The following STAT4 variants were observed in gnomAD, a reference collection of about 807,000 sequenced individuals.
The protein encoded by STAT4 is signal transducer and activator of transcription 4.
In STAT4, 42 loss-of-function variants were observed where a neutral mutation model predicts 110.5. The ratio of observed to expected loss-of-function variants is 0.38; its 90% confidence interval spans 0.30 to 0.49. The LOEUF (loss-of-function observed/expected upper bound fraction) is 0.49, where lower values mean the gene tolerates loss of function less well. Ranked by LOEUF, STAT4 falls within the 20% of genes least tolerant of loss-of-function variation. STAT4 has a pLI of 0.95. For synonymous variants in STAT4, 284 were observed against 302.2 expected, an observed-to-expected ratio of 0.94 and a Z score of 0.63; for missense variants, 632 against 887.9, an observed-to-expected ratio of 0.71 and a Z score of 3.66.
intron 18 of STAT4, 69 bp from the exon 19 acceptor site, chr2:191,034,074 T>C: frequency 9.3e-7 from 1 of 1,071,384 alleles, no homozygotes; most frequent in Non-Finnish European, 1.4e-6. Context: ...ATAATTTAAG[T>C]TCAATTTTTC....
At position 191,031,430 on chromosome 2, in the gene STAT4, A is replaced by G. The variant is rs1695889869; in HGVS notation, c.2111+20T>C. The G allele has an allele frequency of 6.8e-6, 11 of 1,606,022 alleles. No individual in the cohort carries two copies. Among genetic ancestry groups the G allele is most frequent in the South Asian group, 1.1e-5 (1 of 89,462 alleles). On this transcript the variant is annotated intron_variant, in intron 22 of 23. Transcript: ENST00000392320. This position sits in a 1 kb window ranked among gnomAD's most constrained non-coding sequence, Gnocchi z 4.8. ...AAAGCTTTTTATAAAAATATTTCAC[A>G]TGTGACTAACATTACTCACATTGTT...
intron 4 of STAT4, 145 bp downstream of exon 4, chr2:191,076,082 G>T: frequency 6.5e-6 from 4 of 616,628 alleles, no homozygotes; most frequent in Non-Finnish European, 8.5e-6. Context: ...TCAAACTCTT[G>T]GCTTCAAATG....
chr2:191,033,412 C>T lies in STAT4; in HGVS notation c.1852+78G>A, dbSNP rs1364525736. 29 of 1,485,516 alleles carry T rather than the reference C, an allele frequency of 2.0e-5. No homozygotes were observed. The highest frequency in any genetic ancestry group is 9.4e-5 in the East Asian group (4 of 42,714). The allele number at this position is 1,485,516 out of a possible 1,614,324, so 92.0% of individuals were successfully genotyped here. On this transcript the variant is annotated intron_variant, in intron 20 of 23. Transcript: ENST00000392320. The surrounding 1 kb of genome is among the most constrained non-coding windows in gnomAD (Gnocchi z 6.9). ...ATCACAGACAGATCAACACACCATACACTTCCAAAAACTGAAATCCCAGTA... is the reference window on the plus strand; with the variant it reads ...ATCACAGACAGATCAACACACCATATACTTCCAAAAACTGAAATCCCAGTA...
rs1699466959 is a variant in STAT4 at position 191,146,618 on chromosome 2, G to A, written c.268C>T (p.Leu90Phe). Residue 90 changes from leucine (L) to phenylalanine (F), a missense_variant, in exon 3 of 24, where the codon CTT becomes TTT. This residue lies in a region of STAT4 where 488 missense variants were observed against 632.8 expected (regional missense o/e 0.77). Transcript: ENST00000392320. The surrounding 1 kb of genome is among the most constrained non-coding windows in gnomAD (Gnocchi z 4.5). The part of the protein sequence containing the change: ...IHNLKRIRKV[L>F]QGKFHGNPMH... ...AAAGTAGAATGCATTCTTACCTGAA[G>A]GACCTTCCTAATTCTTTTTAGATTG... 6.5e-7 allele frequency: 1 copy of A among 1,529,100 alleles called. No homozygotes were observed. The highest frequency in any genetic ancestry group is 1.4e-5 in the African/African-American group (1 of 71,242). The allele number at this position is 1,529,100 out of a possible 1,614,324, so 94.7% of individuals were successfully genotyped here. A position where few individuals can be genotyped will look rare whatever the true frequency, so the allele number is the denominator to read the frequency against.
rs1204998912 is a variant in STAT4 at position 191,066,214 on chromosome 2, C to T, written c.630+216G>A. Among the ~76,000 whole-genome samples, 1 of 152,088 alleles carries T rather than the reference C, an allele frequency of 6.6e-6. No homozygotes were observed. The highest frequency in any genetic ancestry group is 2.1e-4 in the South Asian group (1 of 4,834). On this transcript the variant is annotated intron_variant, in intron 7 of 23. Coordinates refer to ENST00000392320, the MANE Select transcript of STAT4 (RefSeq NM_003151.4). This position sits in a 1 kb window ranked among gnomAD's most constrained non-coding sequence, Gnocchi z 4.3. Reference sequence around the variant, plus strand: ...AATGTTAGCTACAGTAAATGTATCACATAAGCAAGATAAATAGGCTCTAAA... The same window carrying T: ...AATGTTAGCTACAGTAAATGTATCATATAAGCAAGATAAATAGGCTCTAAA...
At position 191,083,060 on chromosome 2, in the gene STAT4, G is replaced by A. The variant is rs906651545; in HGVS notation, c.274-6735C>T. 1.3e-5 allele frequency among the ~76,000 whole-genome samples: 2 copies of A among 152,194 alleles called. No individual in the cohort carries two copies. The highest frequency in any genetic ancestry group is 2.4e-5 in the African/African-American group (1 of 41,434). On this transcript the variant is annotated intron_variant, in intron 3 of 23. Transcript: ENST00000392320. This position sits in a 1 kb window ranked among gnomAD's most constrained non-coding sequence, Gnocchi z 4.6. ...AGAATTTTCTAGAGGGCCTGAAACA[G>A]GAGGCATTAGTGACCAAAGGGGATA...
At position 191,104,031 on chromosome 2, in the gene STAT4, T is replaced by C. The variant is rs1484516986; in HGVS notation, c.274-27706A>G. ...ATGAGTAATAGGTTGCTAAGTGTTC[T>C]AGGTATCAAGGCCTTTGTGATAGCT... is the stretch of plus-strand genomic sequence containing the variant. On this transcript the variant is annotated intron_variant, in intron 3 of 23. Transcript: ENST00000392320. The surrounding 1 kb of genome is among the most constrained non-coding windows in gnomAD (Gnocchi z 4.3). Among the ~76,000 whole-genome samples, 7 of 152,160 alleles carry C rather than the reference T, an allele frequency of 4.6e-5. No individual in the cohort carries two copies. The highest frequency in any genetic ancestry group is 1.0e-4 in the Non-Finnish European group (7 of 68,004).
chr2:191,132,856 G>A (rs1014910340), intron 3 of STAT4, among the ~76,000 whole-genome samples: 24 of 150,068 alleles, frequency 1.6e-4, no homozygotes, highest in Non-Finnish European at 1.2e-4. Context: ...CCGGGTTCAC[G>A]CAATTCTCCT....
intron 3 of STAT4, among the ~76,000 whole-genome samples, chr2:191,127,182 C>A (rs1698903606): frequency 6.6e-6 from 1 of 151,950 alleles, no homozygotes. Flanking sequence ...CTACAGCAGA[C>A]AAGGGGTGGG....
intron 6 of STAT4, among the ~76,000 whole-genome samples, chr2:191,067,560 G>T (rs1449142892): frequency 6.6e-6 from 1 of 151,982 alleles, no homozygotes; most frequent in East Asian, 1.9e-4. Context: ...CTGAGCATTG[G>T]GTCCATTCAT....
chr2:191,034,047 G>A, intron 18 of STAT4, 42 bp from the exon 19 acceptor site: 8 of 1,300,402 alleles, frequency 6.2e-6, no homozygotes, highest in South Asian at 1.3e-5. Flanking sequence ...GATTATTTAA[G>A]TAATAATGTT....
intron 6 of STAT4, chr2:191,068,111 T>A (rs1440857508): frequency 6.6e-6 from 1 of 152,196 alleles, no homozygotes; most frequent in Non-Finnish European, 1.5e-5. Context: ...GTATTTTTCT[T>A]TTCACTTACA....
At position 191,037,082 on chromosome 2, in the gene STAT4, T is replaced by C. The variant is rs1696065757; in HGVS notation, c.1435-783A>G. On this transcript the variant is annotated intron_variant, in intron 16 of 23. Coordinates refer to ENST00000392320, the MANE Select transcript of STAT4 (RefSeq NM_003151.4). The surrounding 1 kb of genome is among the most constrained non-coding windows in gnomAD (Gnocchi z 4.8). ...CAAGAACTTAACATTGTCCAAAAAG[T>C]AATTTGACAGATACTCTTTTCTAAA... Among the ~76,000 whole-genome samples the C allele has an allele frequency of 6.6e-6, 1 of 152,198 alleles. No homozygotes were observed. The highest frequency in any genetic ancestry group is 2.1e-4 in the South Asian group (1 of 4,828).
At chr2:191,041,039 A>T in intron 15 of STAT4, 26 bp downstream of exon 15, 1 of 1,370,932 alleles carries the variant, frequency 7.3e-7, no homozygotes, top group Non-Finnish European at 9.5e-7. Flanking sequence ...CCATTAGTAA[A>T]TAGTGTATGT....
rs1698218766 is a variant in STAT4 at position 191,104,286 on chromosome 2, A to G, written c.274-27961T>C. Among the ~76,000 whole-genome samples, 1 of 152,104 alleles carries G rather than the reference A, an allele frequency of 6.6e-6. No homozygotes were observed. The highest frequency in any genetic ancestry group is 1.5e-5 in the Non-Finnish European group (1 of 68,002). The stretch of plus-strand genomic sequence containing the variant: ...CATTACTCGTATAATTTTTAAAAAC[A>G]CTCTTTTTTAACTGAACAAAGCTTT... On this transcript the variant is annotated intron_variant, in intron 3 of 23. Transcript: ENST00000392320. This position sits in a 1 kb window ranked among gnomAD's most constrained non-coding sequence, Gnocchi z 4.3.
intron 3 of STAT4, among the ~76,000 whole-genome samples, chr2:191,096,423 G>A (rs1387254032): frequency 2.6e-5 from 4 of 152,250 alleles, no homozygotes; most frequent in South Asian, 4.1e-4. Context: ...TATCCACCAC[G>A]ATCAAGTTGG....
At chr2:191,109,432 C>T (rs1698368347) in intron 3 of STAT4, among the ~76,000 whole-genome samples, 1 of 152,056 alleles carries the variant, frequency 6.6e-6, no homozygotes, top group East Asian at 1.9e-4. Context: ...ATATCCAAGG[C>T]TCTGTGTTCG....
intron 3 of STAT4, among the ~76,000 whole-genome samples, chr2:191,084,384 G>A (rs1346085914): frequency 1.3e-5 from 2 of 152,068 alleles, no homozygotes; most frequent in Non-Finnish European, 2.9e-5. Context: ...TTTGATCTGG[G>A]CTCTGCACCT....
Position 191,061,632 on chromosome 2 carries a change from C to G in STAT4, c.1034+97G>C. 1 of 1,136,222 alleles carries G rather than the reference C, an allele frequency of 8.8e-7. No individual in the cohort carries two copies. Among genetic ancestry groups the G allele is most frequent in the Non-Finnish European group, 1.3e-6 (1 of 748,914 alleles). 70.4% of individuals were successfully genotyped at this position (1,136,222 alleles called of 1,614,324 possible). A position where few individuals can be genotyped will look rare whatever the true frequency, so the allele number is the denominator to read the frequency against. On this transcript the variant is annotated intron_variant, in intron 10 of 23. Coordinates refer to ENST00000392320, the MANE Select transcript of STAT4 (RefSeq NM_003151.4). This position sits in a 1 kb window ranked among gnomAD's most constrained non-coding sequence, Gnocchi z 6.2. ...ACACAGCAGATGGTTCAATAAAGAA[C>G]AGCTGAATGCAAGCCACAATGAGAG...
Sources: gnomAD v4.1 joint callset for allele counts (sites outside exome capture counted in the v4.1 genomes callset) on GRCh38, gnomAD v4.1.1 for gene constraint, gnomAD v4.1.1 regional missense constraint, Gnocchi (gnomAD v3.1) non-coding constraint, MANE v1.5 for transcripts, NCBI Gene and HGNC (gene_info 2026-07-23, HGNC 2026-07-21) for gene names.